The following ATL2 variants were observed in gnomAD, a reference collection of about 807,000 sequenced individuals.
ATL2 encodes the protein atlastin GTPase 2.
Under a neutral mutation model 73.9 loss-of-function variants are expected in ATL2, and 31 were observed. The ratio of observed to expected loss-of-function variants is 0.42; its 90% confidence interval spans 0.32 to 0.57. The LOEUF is 0.57. ATL2 is among the 20% of genes least tolerant of loss of function. The pLI, the probability that ATL2 is intolerant of heterozygous loss-of-function variation, is 0.14. For synonymous variants in ATL2, 291 were observed against 237.5 expected (o/e 1.23, Z -2.07); for missense variants, 738 against 702.6 (o/e 1.05, Z -0.57).
At chr2:38,339,491 G>A (rs766350244) in intron 2 of ATL2, among the ~76,000 whole-genome samples, 1 of 151,826 alleles carries the variant, frequency 6.6e-6, no homozygotes, top group African/African-American at 2.4e-5. Flanking sequence ...AGGTATACAG[G>A]CTCTCTTTGT....
At chr2:38,362,798 G>C (rs1459925456) in intron 1 of ATL2, among the ~76,000 whole-genome samples, 1 of 152,208 alleles carries the variant, frequency 6.6e-6, no homozygotes. Context: ...GTCAGCTAGT[G>C]TTAAGTGCTA....
chr2:38,374,682 A>T (rs1573610848), intron 1 of ATL2, among the ~76,000 whole-genome samples: 1 of 152,254 alleles, frequency 6.6e-6, no homozygotes, highest in African/African-American at 2.4e-5. Context: ...CCCAAAATTT[A>T]AAAAATATAT....
chr2:38,376,791 C>A (rs1671995813), intron 1 of ATL2, among the ~76,000 whole-genome samples: 1 of 151,764 alleles, frequency 6.6e-6, no homozygotes, highest in Non-Finnish European at 1.5e-5. Flanking sequence ...GACCTCCCCG[C>A]GCCCCGGGCA....
At chr2:38,298,631 G>C (rs1351023403) in intron 11 of ATL2, 56 bp from the exon 12 acceptor site, 3 of 1,530,860 alleles carry the variant, frequency 2.0e-6, no homozygotes, top group East Asian at 4.5e-5. Flanking sequence ...CTTGAAAGAA[G>C]TTCCTGTTCA....
chr2:38,347,913 C>A (rs535943959), intron 1 of ATL2, among the ~76,000 whole-genome samples: 1 of 151,694 alleles, frequency 6.6e-6, no homozygotes, highest in Admixed American at 6.6e-5. Flanking sequence ...ACAACAGATG[C>A]CCAATGCCTC....
At chr2:38,305,181 T>C (rs1667383659) in intron 9 of ATL2, among the ~76,000 whole-genome samples, 1 of 152,158 alleles carries the variant, frequency 6.6e-6, no homozygotes, top group Non-Finnish European at 1.5e-5. Flanking sequence ...ATTGTAAATA[T>C]ATATGCACCC....
intron 1 of ATL2, among the ~76,000 whole-genome samples, chr2:38,370,771 GAAACAAAACA>G (rs756296803): frequency 1.3e-5 from 2 of 150,502 alleles, no homozygotes; most frequent in Admixed American, 6.7e-5. Flanking sequence ...ATCTCAAAAC[GAAACAAAACA>G]AAACAAAACA....
intron 7 of ATL2, among the ~76,000 whole-genome samples, chr2:38,311,672 T>C (rs1030568974): frequency 6.6e-5 from 10 of 152,144 alleles, no homozygotes; most frequent in Non-Finnish European, 1.0e-4. Flanking sequence ...AGGATACTGG[T>C]AGAGGGTTTT....
intron 10 of ATL2, 66 bp from the exon 11 acceptor site, chr2:38,299,393 A>G: frequency 6.9e-7 from 1 of 1,445,794 alleles, no homozygotes; most frequent in Non-Finnish European, 9.2e-7. Flanking sequence ...TCTGATTAAC[A>G]CAATAAGTTA....
chr2:38,344,588 C>T (rs936177689), intron 1 of ATL2, among the ~76,000 whole-genome samples: 4 of 152,066 alleles, frequency 2.6e-5, no homozygotes, highest in Admixed American at 2.6e-4. Context: ...CCAGCCTGGG[C>T]AACAGAGTGA....
chr2:38,343,177 AAGATATAGTTC>A, intron 2 of ATL2, 80 bp downstream of exon 2: 2 of 541,664 alleles, frequency 3.7e-6, no homozygotes, highest in Non-Finnish European at 2.8e-6. Flanking sequence ...AAAAAAAAAA[AAGATATAGTTC>A]TGGTTTTTGT....
rs376709238 is a variant in ATL2 at position 38,294,652 on chromosome 2, AAGAG to A, written c.*1338_*1341del. ...TTACATATACCACCAAAAAAAAAAA[AAGAG>A]AGAGAAAGAAATTAACAATCCCCAT... On this transcript the variant is annotated 3_prime_UTR_variant, in exon 13 of 13. Coordinates refer to ENST00000378954, the MANE Select transcript of ATL2 (RefSeq NM_001135673.4). 1.6e-3 allele frequency among the ~76,000 whole-genome samples: 236 copies of A among 151,186 alleles called. 2 individuals are homozygous for A. The highest frequency in any genetic ancestry group is 0.011 in the South Asian group (52 of 4,820).
At chr2:38,377,119 G>T in intron 1 of ATL2, 24 bp downstream of exon 1, 2 of 1,601,962 alleles carry the variant, frequency 1.2e-6, no homozygotes, top group Non-Finnish European at 8.5e-7. Flanking sequence ...AGGGCCCCGC[G>T]GCCTCTGCCT....
intron 1 of ATL2, among the ~76,000 whole-genome samples, chr2:38,375,897 C>T (rs915342634): frequency 6.6e-6 from 1 of 152,152 alleles, no homozygotes; most frequent in Non-Finnish European, 1.5e-5. Flanking sequence ...AGCAAAACTC[C>T]AGTCTGTCAT....
chr2:38,294,618 A>C lies in ATL2; in HGVS notation c.*1376T>G, dbSNP rs1029976275. Among the ~76,000 whole-genome samples the C allele has an allele frequency of 8.7e-5, 13 of 149,128 alleles. No individual in the cohort carries two copies. The highest frequency in any genetic ancestry group is 3.0e-4 in the African/African-American group (12 of 39,568). On this transcript the variant is annotated 3_prime_UTR_variant, in exon 13 of 13. Transcript: ENST00000378954. ...AGAAGACCACAAAAGTACTGAAAAA[A>C]TGCTAGCCTTACATATACCACCAAA...
intron 1 of ATL2, among the ~76,000 whole-genome samples, chr2:38,351,185 CGT>C (rs1670316579): frequency 6.6e-6 from 1 of 152,110 alleles, no homozygotes; most frequent in African/African-American, 2.4e-5. Context: ...AGCTAAGTAA[CGT>C]GTTAGTGCCT....
chr2:38,375,111 A>T (rs1323105916), intron 1 of ATL2, among the ~76,000 whole-genome samples: 1 of 152,232 alleles, frequency 6.6e-6, no homozygotes, highest in Non-Finnish European at 1.5e-5. Context: ...TTCCTAAAAG[A>T]ATAAACACAA....
intron 2 of ATL2, among the ~76,000 whole-genome samples, chr2:38,333,185 A>T (rs1669102123): frequency 6.6e-6 from 1 of 152,152 alleles, no homozygotes; most frequent in Non-Finnish European, 1.5e-5. Flanking sequence ...CTAAAAAGTG[A>T]GGCCCTTCAG....
intron 1 of ATL2, among the ~76,000 whole-genome samples, chr2:38,355,444 T>TA (rs1670601855): frequency 6.6e-6 from 1 of 151,896 alleles, no homozygotes; most frequent in Admixed American, 6.6e-5. Flanking sequence ...GTCCTTTTAA[T>TA]AAAAAGACAG....
Sources: gnomAD v4.1 joint callset for allele counts (sites outside exome capture counted in the v4.1 genomes callset) on GRCh38, gnomAD v4.1.1 for gene constraint, MANE v1.5 for transcripts, NCBI Gene and HGNC (gene_info 2026-07-23, HGNC 2026-07-21) for gene names.